The following COL27A1 variants were observed in gnomAD, a reference collection of about 807,000 sequenced individuals.
The protein encoded by COL27A1 is collagen type XXVII alpha 1 chain.
Under a neutral mutation model 251.3 loss-of-function variants are expected in COL27A1, and 106 were observed. That is an observed-to-expected ratio of 0.42 (90% CI 0.36 to 0.50). The LOEUF is 0.50. Ranked by LOEUF, COL27A1 falls within the 20% of genes least tolerant of loss-of-function variation. The probability of loss-of-function intolerance (pLI) is 0.00; values close to 1 mark genes in which losing one functional copy is unlikely to be tolerated. For missense variants in COL27A1, 2,325 were observed against 2,522.8 expected, an observed-to-expected ratio of 0.92 and a Z score of 1.68; for synonymous variants, 1,000 against 986.3, an observed-to-expected ratio of 1.01 and a Z score of -0.26.
At chr9:114,249,655 G>A (rs1192094032) in intron 24 of COL27A1, among the ~76,000 whole-genome samples, 4 of 152,178 alleles carry the variant, frequency 2.6e-5, no homozygotes, top group South Asian at 2.1e-4. Flanking sequence ...CAGCTGGGCC[G>A]GCCTTATTGA....
rs142883186 is a variant in COL27A1 at position 114,239,367 on chromosome 9, C to G, written c.2728-853C>G. ...CTGAGCACTTGCAACTTTGCTGGTT[C>G]CATTTAAACTTAAGACTAGCCCTGT... On this transcript the variant is annotated intron_variant, in intron 19 of 60. Transcript: ENST00000356083. Among the ~76,000 whole-genome samples the G allele has an allele frequency of 4.1e-3, 625 of 152,324 alleles. 6 individuals are homozygous for G. Among genetic ancestry groups the G allele is most frequent in the African/African-American group, 0.014 (602 of 41,558 alleles).
chr9:114,289,113 C>A, intron 44 of COL27A1, 129 bp from the exon 45 acceptor site: 2 of 1,380,766 alleles, frequency 1.4e-6, no homozygotes, highest in Middle Eastern at 2.4e-4. Flanking sequence ...CCTGCCCTGA[C>A]CCTGGGGATG....
chr9:114,197,921 G>A (rs1829271193), intron 7 of COL27A1, among the ~76,000 whole-genome samples: 1 of 152,244 alleles, frequency 6.6e-6, no homozygotes, highest in Admixed American at 6.5e-5. Flanking sequence ...CCCCTGACCA[G>A]TGGTGGGGAT....
At chr9:114,207,592 C>T (rs1830055978) in intron 10 of COL27A1, among the ~76,000 whole-genome samples, 1 of 152,180 alleles carries the variant, frequency 6.6e-6, no homozygotes, top group East Asian at 1.9e-4. Flanking sequence ...CTGGTCTGGC[C>T]CCAGCACTCC....
rs1829480347 is a variant in COL27A1 at position 114,312,024 on chromosome 9, T to C, written c.*1329T>C. 1.3e-5 allele frequency: 2 copies of C among 152,238 alleles called. No homozygotes were observed. The highest frequency in any genetic ancestry group is 1.3e-4 in the Admixed American group (2 of 15,288). 9.4% of individuals were successfully genotyped at this position (152,238 alleles called of 1,614,324 possible). A position where few individuals can be genotyped will look rare whatever the true frequency, so the allele number is the denominator to read the frequency against. ...AGAATAATAATGGGAATCTCGGAGT[T>C]CGACACCATAGTGACGTTCAGCGTC... On this transcript the variant is annotated 3_prime_UTR_variant, in exon 61 of 61. Transcript: ENST00000356083.
intron 41 of COL27A1, among the ~76,000 whole-genome samples, chr9:114,286,528 G>T (rs1194235854): frequency 1.3e-5 from 2 of 152,168 alleles, no homozygotes; most frequent in Non-Finnish European, 2.9e-5. Context: ...CCGTGGGGGT[G>T]AGCTCACTAC....
At chr9:114,251,221 T>C (rs1185494300) in intron 25 of COL27A1, among the ~76,000 whole-genome samples, 1 of 152,162 alleles carries the variant, frequency 6.6e-6, no homozygotes, top group Non-Finnish European at 1.5e-5. Context: ...TCTTCCTTTG[T>C]ATGGGTTTAT....
intron 5 of COL27A1, among the ~76,000 whole-genome samples, chr9:114,186,911 G>T (rs1588617278): frequency 6.6e-6 from 1 of 152,206 alleles, no homozygotes; most frequent in East Asian, 1.9e-4. Context: ...CTAGGGCAGA[G>T]GTGGGGGTCT....
chr9:114,205,646 C>T (rs974769597), intron 8 of COL27A1, 113 bp from the exon 9 acceptor site: 3 of 988,520 alleles, frequency 3.0e-6, no homozygotes, highest in Non-Finnish European at 4.8e-6. Flanking sequence ...TGTTCCATCT[C>T]ACATTCCTGC....
intron 10 of COL27A1, among the ~76,000 whole-genome samples, chr9:114,208,958 A>T (rs1830164827): frequency 1.3e-5 from 2 of 152,060 alleles, no homozygotes; most frequent in East Asian, 1.9e-4. Context: ...CCTAGGGAAG[A>T]GCCCCAGAAT....
Position 114,235,587 on chromosome 9 carries a change from G to A in COL27A1, c.2566-12G>A. 2 of 1,612,504 alleles carry A rather than the reference G, an allele frequency of 1.2e-6. No individual in the cohort carries two copies. Among genetic ancestry groups the A allele is most frequent in the Non-Finnish European group, 1.7e-6 (2 of 1,178,536 alleles). The stretch of plus-strand genomic sequence containing the variant: ...GCCTCCATTGTAACCTTCTTTGCTG[G>A]TGTGTACTTAGGGTGAACAAGGGGT... On this transcript the variant is annotated splice_polypyrimidine_tract_variant and intron_variant, in intron 16 of 60. Coordinates refer to ENST00000356083, the MANE Select transcript of COL27A1 (RefSeq NM_032888.4).
At chr9:114,198,895 G>A (rs1157391559) in intron 7 of COL27A1, among the ~76,000 whole-genome samples, 1 of 152,304 alleles carries the variant, frequency 6.6e-6, no homozygotes, top group African/African-American at 2.4e-5. Context: ...GCCTCATGAG[G>A]TGGTTGGGAG....
chr9:114,205,212 G>GC (rs1829866230), intron 8 of COL27A1, 66 bp downstream of exon 8: 1 of 1,456,276 alleles, frequency 6.9e-7, no homozygotes, highest in South Asian at 1.2e-5. Context: ...CCTGTCTCTG[G>GC]CCCCCTCCCT....
chr9:114,299,871 G>A (rs1828496774), intron 49 of COL27A1, among the ~76,000 whole-genome samples, 199 bp from the exon 50 acceptor site: 1 of 152,228 alleles, frequency 6.6e-6, no homozygotes, highest in Non-Finnish European at 1.5e-5. Flanking sequence ...CTGACGGAGA[G>A]CACAGGCTCC....
At chr9:114,277,273 G>A (rs2135674293) in intron 37 of COL27A1, among the ~76,000 whole-genome samples, 1 of 152,248 alleles carries the variant, frequency 6.6e-6, no homozygotes, top group South Asian at 2.1e-4. Context: ...TGGCCTCGTA[G>A]ACAAAATGCC....
At chr9:114,310,502 T>G in intron 60 of COL27A1, 47 bp from the exon 61 acceptor site, 1 of 1,607,346 alleles carries the variant, frequency 6.2e-7, no homozygotes, top group South Asian at 1.1e-5. Context: ...TGATGTATGA[T>G]AAGAATCACG....
At chr9:114,306,336 T>G (rs1242139801) in intron 57 of COL27A1, 184 bp from the exon 58 acceptor site, 14 of 597,684 alleles carry the variant, frequency 2.3e-5, no homozygotes, top group Non-Finnish European at 2.1e-5. Context: ...TAGCCTCTCC[T>G]CCTGCACTTT....
At chr9:114,293,550 C>CAA (rs113550290) in intron 49 of COL27A1, among the ~76,000 whole-genome samples, 11,576 of 131,622 alleles carry the variant, frequency 0.088, 661 homozygotes, top group East Asian at 0.23. Flanking sequence ...AAAAATAAAC[C>CAA]AAAAAAAAAA....
chr9:114,299,976 G>A (rs1828502871), intron 49 of COL27A1, 94 bp from the exon 50 acceptor site: 8 of 1,165,422 alleles, frequency 6.9e-6, no homozygotes, highest in Non-Finnish European at 7.7e-6. Context: ...TGGAAAGGCT[G>A]GGAGGGAAAA....
Sources: gnomAD v4.1 joint callset for allele counts (sites outside exome capture counted in the v4.1 genomes callset) on GRCh38, gnomAD v4.1.1 for gene constraint, MANE v1.5 for transcripts, NCBI Gene and HGNC (gene_info 2026-07-23, HGNC 2026-07-21) for gene names.